STXBP6: variants seen among roughly 807,000 people sequenced by gnomAD.
The protein encoded by STXBP6 is syntaxin binding protein 6, also known as syntaxin-binding protein 6.
Under a neutral mutation model 26.9 loss-of-function variants are expected in STXBP6, and 21 were observed. That is an observed-to-expected ratio of 0.78 (90% confidence interval 0.55 to 1.12). The LOEUF is 1.12. Among genes scored for constraint, STXBP6 ranks in the 50% most tolerant of loss-of-function variants. The pLI, the probability that STXBP6 is intolerant of heterozygous loss-of-function variation, is 0.00. For missense variants in STXBP6, 232 were observed against 257.9 expected, an observed-to-expected ratio of 0.90 and a Z score of 0.69; for synonymous variants, 97 against 92.6, an observed-to-expected ratio of 1.05 and a Z score of -0.27.
chr14:25,016,346 G>A (rs1021829709), intron 1 of STXBP6, among the ~76,000 whole-genome samples: 2 of 152,034 alleles, frequency 1.3e-5, no homozygotes, highest in Admixed American at 1.3e-4. Context: ...TTAAAATGGA[G>A]TTAGCTTCCT....
At chr14:24,910,336 C>T (rs2071527505) in intron 2 of STXBP6, among the ~76,000 whole-genome samples, 1 of 152,180 alleles carries the variant, frequency 6.6e-6, no homozygotes, top group South Asian at 2.1e-4. Flanking sequence ...TATTTGTCTC[C>T]TCACAATTGG....
intron 1 of STXBP6, among the ~76,000 whole-genome samples, chr14:25,008,416 C>A (rs951045442): frequency 6.6e-6 from 1 of 151,968 alleles, no homozygotes; most frequent in African/African-American, 2.4e-5. Context: ...CCCAAGAGGT[C>A]GAGGCTGTAG....
At chr14:24,851,772 A>G (rs1396322221) in intron 4 of STXBP6, among the ~76,000 whole-genome samples, 1 of 152,090 alleles carries the variant, frequency 6.6e-6, no homozygotes, top group African/African-American at 2.4e-5. Flanking sequence ...GTCATGTCAC[A>G]TTTCAGCAGC....
intron 2 of STXBP6, among the ~76,000 whole-genome samples, chr14:24,945,438 C>G (rs953508803): frequency 5.9e-5 from 9 of 151,926 alleles, no homozygotes; most frequent in African/African-American, 1.2e-4. Context: ...GGTGTGGTAG[C>G]ACACACCTGT....
intron 1 of STXBP6, among the ~76,000 whole-genome samples, chr14:25,024,326 T>C (rs61978843): frequency 6.6e-6 from 1 of 152,042 alleles, no homozygotes; most frequent in Non-Finnish European, 1.5e-5. Context: ...AAAAAAATTT[T>C]GTTTTCAGTT....
chr14:25,025,899 G>A (rs2075340818), intron 1 of STXBP6, among the ~76,000 whole-genome samples: 1 of 152,078 alleles, frequency 6.6e-6, no homozygotes, highest in African/African-American at 2.4e-5. Flanking sequence ...TGTTTAGCTT[G>A]GTAAATAAGG....
Position 24,809,760 on chromosome 14 carries a change from G to C in STXBP6, c.*2949C>G, listed in dbSNP as rs1319370994. The C allele has an allele frequency of 1.3e-5, 2 of 152,108 alleles. No individual in the cohort carries two copies. Among genetic ancestry groups the C allele is most frequent in the Non-Finnish European group, 1.5e-5 (1 of 68,016 alleles). The allele number at this position is 152,108 out of a possible 1,614,324, so 9.4% of individuals were successfully genotyped here. ...TCTGAATTAAACAAAAATTATATTT[G>C]ACATCTCAGAGAACTTCTGAAGAAT... is the stretch of plus-strand genomic sequence containing the variant. On this transcript the variant is annotated 3_prime_UTR_variant, in exon 6 of 6. Transcript: ENST00000323944.
intron 2 of STXBP6, among the ~76,000 whole-genome samples, chr14:24,861,467 G>A (rs549315545): frequency 2.0e-5 from 3 of 152,122 alleles, no homozygotes; most frequent in Non-Finnish European, 2.9e-5. Context: ...AACAGGCTAC[G>A]TGGCCAAGGT....
chr14:24,857,050 C>T lies in STXBP6; in HGVS notation c.262G>A (p.Val88Ile). ...ACCCCATTAGGATCGATACCATTAA[C>T]CTGGCGAAGCTGCTCGAGCATCCAC... The part of the protein sequence containing the change: ...SQWMLEQLRQ[V>I]NGIDPNGDSA... Residue 88 changes from valine (V) to isoleucine (I), a missense_variant, in exon 3 of 6, where the codon GTT (valine) becomes ATT (isoleucine). Transcript: ENST00000323944. The T allele has an allele frequency of 6.2e-7, 1 of 1,612,962 alleles. No homozygotes were observed. The highest frequency in any genetic ancestry group is 8.5e-7 in the Non-Finnish European group (1 of 1,179,204).
Position 25,045,558 on chromosome 14 carries a change from GA to G in STXBP6, c.-33+4319del, listed in dbSNP as rs5807272. ...TACACTAACATACTAGGTTACAGAA[GA>G]AAAAAAAACTGCACATTAAATGCGT... On this transcript the variant is annotated intron_variant, in intron 1 of 5. Transcript: ENST00000323944. Among the ~76,000 whole-genome samples, 37 of 145,488 alleles carry G rather than the reference GA, an allele frequency of 2.5e-4. 2 individuals are homozygous for G. The highest frequency in any genetic ancestry group is 7.3e-3 in the Middle Eastern group (2 of 274).
intron 5 of STXBP6, among the ~76,000 whole-genome samples, chr14:24,814,784 A>T (rs1186407162): frequency 6.6e-6 from 1 of 152,154 alleles, no homozygotes; most frequent in Admixed American, 6.5e-5. Flanking sequence ...CTCATGAATG[A>T]GATTAGTGTC....
intron 1 of STXBP6, among the ~76,000 whole-genome samples, chr14:24,986,431 A>G (rs1341938375): frequency 6.6e-6 from 1 of 152,008 alleles, no homozygotes; most frequent in East Asian, 1.9e-4. Context: ...GCAGAAGAAT[A>G]CACCCTGGGA....
chr14:24,992,767 C>G (rs1030376412), intron 1 of STXBP6, among the ~76,000 whole-genome samples: 2 of 152,176 alleles, frequency 1.3e-5, no homozygotes. Context: ...ATATACAGCA[C>G]AGCATCCCAG....
rs193134812 is a variant in STXBP6, at chr14:24,923,304, T to C, written c.154+51361A>G. Among the ~76,000 whole-genome samples the C allele has an allele frequency of 3.3e-5, 5 of 152,300 alleles. No individual in the cohort carries two copies. In the East Asian group the frequency reaches 9.7e-4, roughly 29 times the overall value. ...TCATTAAGTTTGTGGGGTTTATTCA[T>C]GTTGATCAATGTAGCTTTAGTTATT... On this transcript the variant is annotated intron_variant, in intron 2 of 5. Coordinates refer to ENST00000323944, the MANE Select transcript of STXBP6 (RefSeq NM_001394410.1).
intron 2 of STXBP6, among the ~76,000 whole-genome samples, chr14:24,874,914 C>A (rs1160285939): frequency 1.3e-5 from 2 of 152,134 alleles, no homozygotes; most frequent in African/African-American, 2.4e-5. Flanking sequence ...CCAGTGGAAG[C>A]CAGTGTTTCT....
intron 4 of STXBP6, among the ~76,000 whole-genome samples, chr14:24,832,487 C>A (rs2068484334): frequency 6.6e-6 from 1 of 152,206 alleles, no homozygotes; most frequent in South Asian, 2.1e-4. Context: ...TTTTTACCAT[C>A]TCTCTGGTGT....
intron 1 of STXBP6, among the ~76,000 whole-genome samples, chr14:24,995,632 T>C (rs943375789): frequency 6.6e-6 from 1 of 152,156 alleles, no homozygotes; most frequent in Non-Finnish European, 1.5e-5. Flanking sequence ...CTGGTAAAAA[T>C]ATTTTTCTTT....
At chr14:24,882,364 G>A (rs370983444) in intron 2 of STXBP6, among the ~76,000 whole-genome samples, 1 of 79,114 alleles carries the variant, frequency 1.3e-5, no homozygotes, top group Non-Finnish European at 2.4e-5. Context: ...GGGCGACAGA[G>A]CGAGACTCCG....
intron 4 of STXBP6, among the ~76,000 whole-genome samples, chr14:24,829,665 T>G (rs1423067643): frequency 6.6e-6 from 1 of 151,052 alleles, no homozygotes; most frequent in Non-Finnish European, 1.5e-5. Context: ...TCCCTGCTGG[T>G]TTGTTTATTC....
Sources: allele counts gnomAD v4.1 joint callset (sites outside exome capture counted in the v4.1 genomes callset), GRCh38; gene constraint gnomAD v4.1.1; transcripts MANE v1.5; gene names NCBI Gene and HGNC (gene_info 2026-07-23, HGNC 2026-07-21).